Variants in KIF2C observed in about 807,000 individuals in gnomAD.
KIF2C encodes the protein kinesin family member 2C, also known as kinesin-like protein KIF2C.
A neutral mutation model predicts 97.4 loss-of-function variants in KIF2C; 34 were observed. The observed-to-expected ratio is 0.35, with a 90% confidence interval of 0.27 to 0.46. The LOEUF (loss-of-function observed/expected upper bound fraction) is 0.46, where lower values mean the gene tolerates loss of function less well. Ranked by LOEUF, KIF2C falls within the 20% of genes least tolerant of loss-of-function variation. The pLI is 1.00. For missense variants in KIF2C, 750 were observed against 907.6 expected (o/e 0.83, Z 2.23); for synonymous variants, 313 against 318.2 (o/e 0.98, Z 0.17).
chr1:44,745,355 C>T (rs1649129109), intron 2 of KIF2C, among the ~76,000 whole-genome samples: 1 of 148,160 alleles, frequency 6.7e-6, no homozygotes, highest in South Asian at 2.1e-4. Flanking sequence ...TGATTCTATC[C>T]TCCTTTTTTT....
At chr1:44,750,605 C>T (rs1573558884) in intron 5 of KIF2C, 41 bp downstream of exon 5, 3 of 1,455,272 alleles carry the variant, frequency 2.1e-6, no homozygotes, top group East Asian at 5.1e-5. Context: ...GTTTGAGGCC[C>T]TGGAGCACAT....
Position 44,757,971 on chromosome 1 carries a change from T to C in KIF2C, c.1132T>C (p.Ser378Pro). Reference sequence around the variant, plus strand: ...ATCCAAAGGGATCTATGCCATGGCCTGTAAGTACTGTGTACTGCTGCTTCA... The same window carrying C: ...ATCCAAAGGGATCTATGCCATGGCCCGTAAGTACTGTGTACTGCTGCTTCA... ...NASKGIYAMA[S>P]RDVFLLKNQP... Residue 378 changes from serine to proline, a missense_variant and splice_region_variant, in exon 12 of 21, where the codon TCC becomes CCC. Ser to Pro is a moderately conservative substitution (Grantham distance 74). Coordinates refer to ENST00000372224, the MANE Select transcript of KIF2C (RefSeq NM_006845.4). The C allele has an allele frequency of 1.9e-6, 3 of 1,614,192 alleles. No homozygotes were observed. Among genetic ancestry groups the C allele is most frequent in the South Asian group, 1.1e-5 (1 of 91,088 alleles).
Position 44,756,224 on chromosome 1 carries a change from G to A in KIF2C, c.964G>A (p.Glu322Lys), listed in dbSNP as rs1573566944. The change falls in exon 10 of 21, where the codon GAA becomes AAA. Residue 322 changes from glutamate to lysine, a missense_variant. By Grantham distance (56) the Glu-to-Lys change is moderately conservative (BLOSUM62 1). Transcript: ENST00000372224. Reference protein sequence around the residue: ...DFAFDETASNEVVYRFTARPL... With the variant: ...DFAFDETASNKVVYRFTARPL... ...TGCATTTGATGAAACAGCTTCGAAT[G>A]AAGTTGTCTACAGGTTAGTCCCTTG... is the stretch of plus-strand genomic sequence containing the variant. The A allele has an allele frequency of 6.2e-7, 1 of 1,614,204 alleles. No homozygotes were observed. Among genetic ancestry groups the A allele is most frequent in the Non-Finnish European group, 8.5e-7 (1 of 1,180,046 alleles).
At chr1:44,762,302 A>G in intron 17 of KIF2C, 44 bp from the exon 18 acceptor site, 1 of 1,529,068 alleles carries the variant, frequency 6.5e-7, no homozygotes, top group Non-Finnish European at 9.1e-7. Flanking sequence ...TCTGGTGAGT[A>G]CCAAGGGGGT....
At chr1:44,750,600 A>G (rs989127277) in intron 5 of KIF2C, 36 bp downstream of exon 5, 1 of 1,480,756 alleles carries the variant, frequency 6.8e-7, no homozygotes, top group Non-Finnish European at 9.1e-7. Flanking sequence ...ACCATGTTTG[A>G]GGCCCTGGAG....
intron 2 of KIF2C, chr1:44,746,558 C>T (rs975857784): frequency 1.7e-5 from 23 of 1,354,912 alleles, no homozygotes; most frequent in Middle Eastern, 1.9e-4. Context: ...TTTCCTCCTC[C>T]GTGTCAGCCA....
In KIF2C at chr1:44,762,394, T is replaced by A; in HGVS notation, c.1800T>A (p.Ile600=). ...PHSGPSGEQL[I]QMETEEMEAC... Reference sequence around the variant, plus strand: ...GTGGGCCCAGTGGAGAGCAGTTGATTCAAATGGAAACAGAAGAGATGGAAG... The same window carrying A: ...GTGGGCCCAGTGGAGAGCAGTTGATACAAATGGAAACAGAAGAGATGGAAG... The change falls in exon 18 of 21, where the codon ATT becomes ATA. Residue 600 remains isoleucine, a synonymous_variant. Coordinates refer to ENST00000372224, the MANE Select transcript of KIF2C (RefSeq NM_006845.4). 6.2e-7 allele frequency: 1 copy of A among 1,614,086 alleles called. No individual in the cohort carries two copies. The highest frequency in any genetic ancestry group is 8.5e-7 in the Non-Finnish European group (1 of 1,180,018).
chr1:44,767,074 T>A (rs1650507996), intron 20 of KIF2C, 23 bp from the exon 21 acceptor site: 1 of 1,613,396 alleles, frequency 6.2e-7, no homozygotes, highest in Non-Finnish European at 8.5e-7. Flanking sequence ...TAACCCCATA[T>A]GTACCGCTAC....
chr1:44,755,613 A>G (rs772777437), intron 8 of KIF2C, among the ~76,000 whole-genome samples: 2 of 152,238 alleles, frequency 1.3e-5, no homozygotes, highest in Admixed American at 6.5e-5. Flanking sequence ...TGAGGCCCAC[A>G]TGGGGAGGGG....
In KIF2C at chr1:44,746,519, T is replaced by C; in HGVS notation, c.166-865T>C. 2.3e-6 allele frequency: 3 copies of C among 1,292,416 alleles called. No individual in the cohort carries two copies. The African/African-American group carries it at 4.6e-5, about 20-fold the overall frequency. The allele number at this position is 1,292,416 out of a possible 1,614,324, so 80.1% of individuals were successfully genotyped here. On this transcript the variant is annotated intron_variant, in intron 2 of 20. Coordinates refer to ENST00000372224, the MANE Select transcript of KIF2C (RefSeq NM_006845.4). ...CCCATAAGATCCTAAAGGGCCCCCA[T>C]TTGACTCTCACCAGACAGTTAGAAC... is the stretch of plus-strand genomic sequence containing the variant.
rs1650104768 is a variant in KIF2C, at chr1:44,760,851, C to G, written c.1683+149C>G. ...ACCGTGACTGGGCTTCCAGACCCTG[C>G]TTTAATGCACGAGACTCCTTGTGGC... On this transcript the variant is annotated intron_variant, in intron 16 of 20. Transcript: ENST00000372224. This position sits in a 1 kb window ranked among gnomAD's most constrained non-coding sequence, Gnocchi z 4.2. 1 of 637,338 alleles carries G rather than the reference C, an allele frequency of 1.6e-6. No homozygotes were observed. The highest frequency in any genetic ancestry group is 1.9e-5 in the South Asian group (1 of 53,848). The allele number at this position is 637,338 out of a possible 1,614,324, so 39.5% of individuals were successfully genotyped here.
chr1:44,756,046 G>C, intron 9 of KIF2C, 29 bp from the exon 10 acceptor site: 1 of 1,614,092 alleles, frequency 6.2e-7, no homozygotes, highest in Non-Finnish European at 8.5e-7. Flanking sequence ...TTTCCAGGGA[G>C]CACCCCCTGA....
chr1:44,763,123 G>C (rs1462333114), intron 19 of KIF2C, among the ~76,000 whole-genome samples: 1 of 152,158 alleles, frequency 6.6e-6, no homozygotes, highest in Non-Finnish European at 1.5e-5. Flanking sequence ...CTCAGTTTTT[G>C]CATCTCTGAA....
chr1:44,756,293 T>G, intron 10 of KIF2C, 56 bp downstream of exon 10: 1 of 1,540,924 alleles, frequency 6.5e-7, no homozygotes, highest in Non-Finnish European at 8.9e-7. Flanking sequence ...CCTTTTTTTG[T>G]GGGACATCGT....
chr1:44,753,190 C>T lies in KIF2C; in HGVS notation c.498C>T (p.Ser166=), dbSNP rs747904609. The T allele has an allele frequency of 7.4e-6, 12 of 1,613,816 alleles. No individual in the cohort carries two copies. Among genetic ancestry groups the T allele is most frequent in the Middle Eastern group, 1.7e-4 (1 of 6,058 alleles). Residue 166 remains serine, a synonymous_variant, in exon 6 of 21, where the codon AGC becomes AGT. Transcript: ENST00000372224. ...CTGAAATACCATTGAGGATGGTCAGCGAGGAGATGGAAGAGCAAGTCCATT... is the reference window on the plus strand; with the variant it reads ...CTGAAATACCATTGAGGATGGTCAGTGAGGAGATGGAAGAGCAAGTCCATT... The part of the protein sequence containing the change: ...AVAEIPLRMV[S]EEMEEQVHSI...
chr1:44,752,553 T>C (rs1397050115), intron 5 of KIF2C, among the ~76,000 whole-genome samples: 1 of 152,198 alleles, frequency 6.6e-6, no homozygotes, highest in Non-Finnish European at 1.5e-5. Flanking sequence ...ATAAATTAGA[T>C]GCAAATTGTG....
chr1:44,758,810 A>C (rs1649981974), intron 13 of KIF2C, among the ~76,000 whole-genome samples: 1 of 152,160 alleles, frequency 6.6e-6, no homozygotes, highest in South Asian at 2.1e-4. Flanking sequence ...CAGGAGGCAG[A>C]GGTTGCAGTG....
chr1:44,766,023 A>C (rs1047742644), intron 19 of KIF2C, among the ~76,000 whole-genome samples: 1 of 151,108 alleles, frequency 6.6e-6, no homozygotes, highest in South Asian at 2.1e-4. Context: ...CTGCACTCCA[A>C]CCTGGCGACA....
intron 4 of KIF2C, among the ~76,000 whole-genome samples, chr1:44,750,016 A>T (rs1175250557): frequency 7.3e-6 from 1 of 137,520 alleles, no homozygotes; most frequent in Non-Finnish European, 1.5e-5. Context: ...CAGGAGGTGG[A>T]GGTTGCAGTG....
Sources: allele counts gnomAD v4.1 joint callset (sites outside exome capture counted in the v4.1 genomes callset), GRCh38; gene constraint gnomAD v4.1.1; non-coding constraint Gnocchi (gnomAD v3.1); transcripts MANE v1.5; gene names NCBI Gene and HGNC (gene_info 2026-07-23, HGNC 2026-07-21).